The following GGT1 variants were observed in gnomAD, a reference collection of about 807,000 sequenced individuals.
The protein encoded by GGT1 is gamma-glutamyltransferase 1.
A neutral mutation model predicts 56.0 loss-of-function variants in GGT1; 21 were observed. The ratio of observed to expected loss-of-function variants is 0.38; its 90% CI spans 0.27 to 0.54. The LOEUF (loss-of-function observed/expected upper bound fraction) is 0.54, where lower values mean the gene tolerates loss of function less well. Ranked by LOEUF, GGT1 falls within the 20% of genes least tolerant of loss-of-function variation. The pLI is 0.82. For missense variants in GGT1, 466 were observed against 787.0 expected (o/e 0.59, Z 4.88); for synonymous variants, 238 against 342.6 (o/e 0.69, Z 3.37).
At chr22:24,614,461 CA>C (rs1422614956) in intron 5 of GGT1, among the ~76,000 whole-genome samples, 1 of 138,544 alleles carries the variant, frequency 7.2e-6, no homozygotes, top group African/African-American at 2.7e-5. Context: ...ACTAAAAATA[CA>C]AAAATTAGCT....
At chr22:24,611,896 TC>T in intron 5 of GGT1, among the ~76,000 whole-genome samples, 1 of 151,640 alleles carries the variant, frequency 6.6e-6, no homozygotes, top group African/African-American at 2.4e-5. Flanking sequence ...AACCTCCACC[TC>T]CCAGGTTCAA....
At chr22:24,602,327 A>G (rs1281001280), upstream of GGT1, among the ~76,000 whole-genome samples, 3 of 152,126 alleles carry the variant, frequency 2.0e-5, no homozygotes, top group Non-Finnish European at 2.9e-5. Context: ...CCATACTCTC[A>G]TGCCCAGCCA....
In GGT1 at chr22:24,611,225, G is replaced by A; in HGVS notation, c.144G>A (p.Lys48=). ...GGGCTGCCGTGGCCGCGGATGCCAA[G>A]CAGTGCTCGAAGATTGGGAGGTGAG... ...YTRAAVAADA[K]QCSKIGRDAL... Residue 48 remains lysine (K), a synonymous_variant, in exon 5 of 16, where the codon AAG becomes AAA. Transcript: ENST00000400382. 1 of 1,565,042 alleles carries A rather than the reference G, an allele frequency of 6.4e-7. No homozygotes were observed. Among genetic ancestry groups the A allele is most frequent in the Non-Finnish European group, 8.7e-7 (1 of 1,154,200 alleles).
chr22:24,609,174 T>C (rs2147304651), intron 2 of GGT1: 1 of 152,296 alleles, frequency 6.6e-6, no homozygotes, highest in African/African-American at 2.4e-5. Flanking sequence ...AGGCAGGGCC[T>C]GTTCTGCAGT....
At chr22:24,615,359 C>A (rs904006023) in intron 7 of GGT1, among the ~76,000 whole-genome samples, 3 of 152,168 alleles carry the variant, frequency 2.0e-5, no homozygotes, top group Non-Finnish European at 4.4e-5. Flanking sequence ...CCACTCTGTG[C>A]AGCACATGGA....
chr22:24,584,682 C>G, the GGT1 span, among the ~76,000 whole-genome samples: 1 of 152,004 alleles, frequency 6.6e-6, no homozygotes, highest in African/African-American at 2.4e-5. Context: ...GCCTTGGAGC[C>G]CCCCTCTGCT....
intron 1 of GGT1, among the ~76,000 whole-genome samples, chr22:24,595,975 G>A (rs2147187865): frequency 6.6e-6 from 1 of 152,356 alleles, no homozygotes; most frequent in African/African-American, 2.4e-5. Context: ...GACACAGAAT[G>A]GTTTGGGGGC....
At position 24,605,134 on chromosome 22, in the gene GGT1, T is replaced by C. The variant is rs1486716832; in HGVS notation, c.-429+1607T>C. 2.7e-4 allele frequency among the ~76,000 whole-genome samples: 17 copies of C among 64,140 alleles called. 5 individuals carry two copies. The highest frequency in any genetic ancestry group is 1.6e-3 in the African/African-American group (14 of 8,626). 42.1% of individuals were successfully genotyped at this position (64,140 alleles called of 152,430 possible). A position where few individuals can be genotyped will look rare whatever the true frequency, so the allele number is the denominator to read the frequency against. ...ATATATTATATAATATGTAATATAT[T>C]ATATAATATATAATATGTATTATAT... is the stretch of plus-strand genomic sequence containing the variant. On this transcript the variant is annotated intron_variant, in intron 1 of 15. Transcript: ENST00000400382.
chr22:24,588,305 C>A, the GGT1 span: 1 of 1,613,286 alleles, frequency 6.2e-7, no homozygotes, highest in Non-Finnish European at 8.5e-7. Context: ...CAGATCTTGT[C>A]CGAGGACTTC....
the GGT1 span, among the ~76,000 whole-genome samples, chr22:24,584,772 G>A: frequency 6.6e-6 from 1 of 151,808 alleles, no homozygotes; most frequent in Admixed American, 6.6e-5. Context: ...TCCCCACTCT[G>A]GGCCTCAGTA....
At chr22:24,604,228 T>C (rs186045789) in intron 1 of GGT1, among the ~76,000 whole-genome samples, 4 of 152,040 alleles carry the variant, frequency 2.6e-5, no homozygotes, top group Admixed American at 6.6e-5. Flanking sequence ...TACCCGCAGG[T>C]CTGCAGACTT....
chr22:24,592,877 G>C, upstream of GGT1: 2 of 1,283,012 alleles, frequency 1.6e-6, no homozygotes, highest in South Asian at 4.7e-5. Context: ...CGCAGGAGGC[G>C]CAGCAGCTGC....
upstream of GGT1, among the ~76,000 whole-genome samples, chr22:24,601,721 G>A (rs2147201465): frequency 6.6e-6 from 1 of 152,324 alleles, no homozygotes; most frequent in East Asian, 1.9e-4. Flanking sequence ...GGCTGCTGGT[G>A]CCAGCACACA....
At chr22:24,596,742 CAAAAA>C (rs57547019) in intron 1 of GGT1, among the ~76,000 whole-genome samples, 18 of 108,330 alleles carry the variant, frequency 1.7e-4, no homozygotes, top group South Asian at 6.6e-4. Flanking sequence ...TACTAAAATA[CAAAAA>C]AAAAAAAAAA....
intron 2 of GGT1, chr22:24,609,534 A>G (rs1397260961): frequency 6.1e-6 from 1 of 163,446 alleles, no homozygotes; most frequent in Non-Finnish European, 1.3e-5. Flanking sequence ...TGGGGAGGGC[A>G]CAGGGACTCC....
At chr22:24,600,503 A>G (rs889547992), upstream of GGT1, among the ~76,000 whole-genome samples, 1 of 152,222 alleles carries the variant, frequency 6.6e-6, no homozygotes, top group Non-Finnish European at 1.5e-5. Context: ...CAAGCTGACA[A>G]TTCTGAAGGG....
At chr22:24,603,769 G>C (rs1389946982) in intron 1 of GGT1, among the ~76,000 whole-genome samples, 1 of 151,816 alleles carries the variant, frequency 6.6e-6, no homozygotes, top group Non-Finnish European at 1.5e-5. Flanking sequence ...GGGGGCGGGG[G>C]GTCAGCTCTG....
upstream of GGT1, among the ~76,000 whole-genome samples, chr22:24,590,164 A>G (rs8137059): frequency 0.99 from 151,363 of 152,308 alleles, 75,250 homozygotes; most frequent in Admixed American, 1. Context: ...ACAGGGTCTC[A>G]CCCTGTCACC....
chr22:24,625,111 T>A (rs1209118717), intron 11 of GGT1, among the ~76,000 whole-genome samples: 1 of 152,204 alleles, frequency 6.6e-6, no homozygotes, highest in African/African-American at 2.4e-5. Flanking sequence ...CACCCACATC[T>A]ATTGGGATTC....
Sources: allele counts gnomAD v4.1 joint callset (sites outside exome capture counted in the v4.1 genomes callset), GRCh38; gene constraint gnomAD v4.1.1; transcripts MANE v1.5; gene names NCBI Gene and HGNC (gene_info 2026-07-23, HGNC 2026-07-21).